The following CSMD3 variants were observed in gnomAD, a reference collection of about 807,000 sequenced individuals.
CSMD3 encodes the protein CUB and Sushi multiple domains 3, also known as CUB and sushi domain-containing protein 3.
Under a neutral mutation model 435.2 loss-of-function variants are expected in CSMD3, and 177 were observed. The observed-to-expected ratio is 0.41, with a 90% CI of 0.36 to 0.46. CSMD3 has a LOEUF of 0.46. Ranked by LOEUF, CSMD3 falls within the 20% of genes least tolerant of loss-of-function variation. The pLI, the probability that CSMD3 is intolerant of heterozygous loss-of-function variation, is 0.34. For missense variants in CSMD3, 4,265 were observed against 4,504.6 expected, an observed-to-expected ratio of 0.95 and a Z score of 1.52; for synonymous variants, 1,656 against 1,520.5, an observed-to-expected ratio of 1.09 and a Z score of -2.07.
chr8:112,302,255 T>C (rs1418738563), intron 52 of CSMD3, among the ~76,000 whole-genome samples: 1 of 151,298 alleles, frequency 6.6e-6, no homozygotes, highest in Non-Finnish European at 1.5e-5. Context: ...AACCTGGCTA[T>C]AGTGGATGAA....
intron 36 of CSMD3, among the ~76,000 whole-genome samples, chr8:112,386,184 A>T (rs1225106983): frequency 6.6e-6 from 1 of 152,184 alleles, no homozygotes; most frequent in Middle Eastern, 3.2e-3. Flanking sequence ...AGGTTCTGCC[A>T]GCATCTCAAT....
intron 13 of CSMD3, among the ~76,000 whole-genome samples, chr8:112,745,794 A>G (rs955107410): frequency 3.3e-5 from 5 of 152,074 alleles, no homozygotes; most frequent in African/African-American, 1.2e-4. Context: ...ATGCCCCTAG[A>G]TAATGTAGGG....
In CSMD3 at chr8:112,237,300, T is replaced by C. The variant is rs1349192994; in HGVS notation, c.10517A>G (p.Asn3506Ser). The C allele has an allele frequency of 6.2e-7, 1 of 1,613,302 alleles. No homozygotes were observed. The highest frequency in any genetic ancestry group is 1.1e-5 in the South Asian group (1 of 91,064). ...CATGGGTTGTTTCCTTCCTTTGAAA[T>C]TGTAAGAGCCTTTCCATATATAATT... ...AQNYIWKGSYNFKGRKQPMTL... is the reference protein window; with the variant it reads ...AQNYIWKGSYSFKGRKQPMTL... Residue 3506 changes from asparagine (N) to serine (S), a missense_variant, in exon 67 of 71, where the codon AAT (asparagine) becomes AGT (serine). Physicochemically the swap from Asn to Ser is conservative, Grantham distance 46. Transcript: ENST00000297405.
chr8:112,358,223 C>A (rs10447984), intron 38 of CSMD3, among the ~76,000 whole-genome samples: 15 of 152,050 alleles, frequency 9.9e-5, no homozygotes, highest in Admixed American at 4.6e-4. Context: ...TTTTGAATGG[C>A]TGTATTTACC....
intron 56 of CSMD3, among the ~76,000 whole-genome samples, chr8:112,289,867 C>T (rs765203667): frequency 1.3e-5 from 2 of 151,900 alleles, no homozygotes; most frequent in East Asian, 1.9e-4. Context: ...TGTATGAGTT[C>T]GAACTGTATC....
At chr8:113,303,442 C>T (rs924434592) in intron 2 of CSMD3, among the ~76,000 whole-genome samples, 1 of 151,860 alleles carries the variant, frequency 6.6e-6, no homozygotes, top group African/African-American at 2.4e-5. Flanking sequence ...AAAAAAGAGC[C>T]CGCATCACCA....
intron 5 of CSMD3, among the ~76,000 whole-genome samples, chr8:113,085,580 T>C (rs2089733077): frequency 6.6e-6 from 1 of 152,174 alleles, no homozygotes; most frequent in Admixed American, 6.5e-5. Flanking sequence ...ATATGCACAA[T>C]GGAATAGTAT....
intron 3 of CSMD3, among the ~76,000 whole-genome samples, chr8:113,202,410 T>C (rs982488832): frequency 2.0e-5 from 3 of 152,100 alleles, no homozygotes; most frequent in Non-Finnish European, 2.9e-5. Flanking sequence ...TGAGGTTCTA[T>C]TGTCTTTGTT....
intron 32 of CSMD3, among the ~76,000 whole-genome samples, chr8:112,421,902 A>G (rs1184414323): frequency 6.6e-6 from 1 of 152,050 alleles, no homozygotes; most frequent in East Asian, 1.9e-4. Context: ...TATCAGCTTC[A>G]TTGATCCTCA....
At chr8:112,725,545 T>C (rs2076945923) in intron 13 of CSMD3, among the ~76,000 whole-genome samples, 1 of 152,016 alleles carries the variant, frequency 6.6e-6, no homozygotes, top group Non-Finnish European at 1.5e-5. Flanking sequence ...AAACTCTAAA[T>C]CATGGTGGTA....
chr8:113,347,808 G>C (rs2094162263), intron 1 of CSMD3, among the ~76,000 whole-genome samples: 1 of 152,014 alleles, frequency 6.6e-6, no homozygotes, highest in Admixed American at 6.6e-5. Context: ...TTTTTTAAAA[G>C]AGTATTTCAA....
At chr8:112,942,137 GT>G (rs1246982765) in intron 9 of CSMD3, among the ~76,000 whole-genome samples, 3 of 144,724 alleles carry the variant, frequency 2.1e-5, no homozygotes, top group South Asian at 2.2e-4. Context: ...GACAACCAGT[GT>G]TTTTTTTTAC....
At chr8:113,226,913 G>A (rs2093035241) in intron 3 of CSMD3, among the ~76,000 whole-genome samples, 1 of 151,566 alleles carries the variant, frequency 6.6e-6, no homozygotes, top group South Asian at 2.1e-4. Context: ...ATTGTACCAT[G>A]ATACAGGATA....
intron 28 of CSMD3, among the ~76,000 whole-genome samples, chr8:112,510,513 A>T (rs938912786): frequency 6.6e-6 from 1 of 152,160 alleles, no homozygotes; most frequent in African/African-American, 2.4e-5. Context: ...TAGATTCATC[A>T]CTGCCTCCAG....
intron 32 of CSMD3, among the ~76,000 whole-genome samples, chr8:112,459,427 G>A (rs1353337330): frequency 6.6e-6 from 1 of 151,850 alleles, no homozygotes; most frequent in Non-Finnish European, 1.5e-5. Context: ...TATGACGTGG[G>A]TACAGAAGAG....
chr8:112,987,452 G>A (rs1277775370), intron 6 of CSMD3, among the ~76,000 whole-genome samples: 1 of 152,034 alleles, frequency 6.6e-6, no homozygotes, highest in Non-Finnish European at 1.5e-5. Context: ...AAAAGCAATA[G>A]ACATTTATTG....
chr8:113,323,779 A>G (rs1563699432), intron 1 of CSMD3, among the ~76,000 whole-genome samples: 1 of 152,188 alleles, frequency 6.6e-6, no homozygotes, highest in Non-Finnish European at 1.5e-5. Flanking sequence ...TTTAATTTCT[A>G]TTGAATGCTT....
At chr8:112,605,416 T>C (rs183111135) in intron 22 of CSMD3, among the ~76,000 whole-genome samples, 1 of 152,236 alleles carries the variant, frequency 6.6e-6, no homozygotes, top group African/African-American at 2.4e-5. Context: ...GAAAATGTGA[T>C]ACATATACAC....
At chr8:113,021,306 T>C (rs2086676019) in intron 5 of CSMD3, among the ~76,000 whole-genome samples, 1 of 152,214 alleles carries the variant, frequency 6.6e-6, no homozygotes, top group Non-Finnish European at 1.5e-5. Context: ...ATGTTTACTC[T>C]TGTTGATTAA....
Sources: gnomAD v4.1 joint callset for allele counts (sites outside exome capture counted in the v4.1 genomes callset) on GRCh38, gnomAD v4.1.1 for gene constraint, MANE v1.5 for transcripts, NCBI Gene and HGNC (gene_info 2026-07-23, HGNC 2026-07-21) for gene names.